The following SH3RF3 variants were observed in gnomAD, a reference collection of about 807,000 sequenced individuals.
SH3RF3 encodes E3 ubiquitin-protein ligase SH3RF3.
SH3RF3 carries 29 observed loss-of-function variants against 66.3 expected under a neutral mutation model. The observed-to-expected ratio is 0.44, with a 90% CI of 0.33 to 0.60. The LOEUF is 0.60. SH3RF3 is among the 20% of genes least tolerant of loss of function. SH3RF3 has a pLI of 0.04. For missense variants in SH3RF3, 1,194 were observed against 1,190.9 expected (o/e 1.00, Z -0.04); for synonymous variants, 583 against 532.0 (o/e 1.10, Z -1.32).
chr2:109,312,101 C>A (rs1681742196), intron 1 of SH3RF3, among the ~76,000 whole-genome samples: 1 of 152,166 alleles, frequency 6.6e-6, no homozygotes, highest in South Asian at 2.1e-4. Context: ...TTTCCTTTAG[C>A]ATTGTTAGTT....
intron 1 of SH3RF3, among the ~76,000 whole-genome samples, chr2:109,237,090 A>G (rs1377306197): frequency 1.3e-5 from 2 of 152,242 alleles, no homozygotes; most frequent in African/African-American, 4.8e-5. Flanking sequence ...AGAAATAAAC[A>G]AGAATGTCAG....
chr2:109,231,511 A>G (rs1574518073), intron 1 of SH3RF3, among the ~76,000 whole-genome samples: 1 of 152,272 alleles, frequency 6.6e-6, no homozygotes, highest in Admixed American at 6.5e-5. Context: ...TCTATGAAGA[A>G]TAAATATCGT....
intron 1 of SH3RF3, among the ~76,000 whole-genome samples, chr2:109,272,240 G>A (rs909630633): frequency 6.6e-6 from 1 of 152,204 alleles, no homozygotes; most frequent in Non-Finnish European, 1.5e-5. Flanking sequence ...GCTGCTTCTT[G>A]CTTGTCTAGG....
chr2:109,492,067 G>A (rs1212319856), intron 9 of SH3RF3, among the ~76,000 whole-genome samples: 2 of 152,152 alleles, frequency 1.3e-5, no homozygotes, highest in African/African-American at 4.8e-5. Flanking sequence ...CAGTCCTGCT[G>A]TGTCTGTGGT....
At chr2:109,501,446 C>T (rs544299308) in intron 9 of SH3RF3, 57 bp from the exon 10 acceptor site, 15 of 714,900 alleles carry the variant, frequency 2.1e-5, no homozygotes, top group Admixed American at 9.5e-5. Flanking sequence ...AGAGAAAGCA[C>T]GACCCAGCAG....
At chr2:109,374,674 A>G (rs145237910) in intron 3 of SH3RF3, among the ~76,000 whole-genome samples, 214 of 152,278 alleles carry the variant, frequency 1.4e-3, no homozygotes, top group African/African-American at 5.0e-3. Context: ...GTCACCTCAC[A>G]CTAAGAGGAT....
intron 1 of SH3RF3, among the ~76,000 whole-genome samples, chr2:109,309,942 A>G (rs1342196945): frequency 8.1e-6 from 1 of 124,216 alleles, no homozygotes; most frequent in Non-Finnish European, 1.6e-5. Flanking sequence ...CGAGACAGAA[A>G]GTCAACAAGG....
chr2:109,163,295 T>C (rs761146443), intron 1 of SH3RF3, among the ~76,000 whole-genome samples: 1 of 152,070 alleles, frequency 6.6e-6, no homozygotes, highest in Admixed American at 6.6e-5. Flanking sequence ...AAACAGGTGA[T>C]TACCGTGTTG....
intron 1 of SH3RF3, among the ~76,000 whole-genome samples, chr2:109,188,111 C>T (rs1181419645): frequency 1.3e-5 from 2 of 152,228 alleles, no homozygotes; most frequent in African/African-American, 2.4e-5. Flanking sequence ...GCGGTGCTCT[C>T]GGACATCTAA....
intron 1 of SH3RF3, among the ~76,000 whole-genome samples, chr2:109,184,288 C>T (rs1678135894): frequency 6.6e-6 from 1 of 152,182 alleles, no homozygotes; most frequent in Admixed American, 6.5e-5. Flanking sequence ...GTTCCTTCTC[C>T]CTTACTTCAA....
In SH3RF3 at chr2:109,443,319, T is replaced by G. The variant is rs866788499; in HGVS notation, c.1829-5851T>G. Among the ~76,000 whole-genome samples the G allele has an allele frequency of 2.6e-5, 4 of 152,224 alleles. No homozygotes were observed. In the South Asian group the frequency reaches 8.3e-4, roughly 32 times the overall value. ...GTCCAACTGGCCTCAGAGCCAAAAC[T>G]TTCTGCATTGTACTGTGTTGCCCCC... On this transcript the variant is annotated intron_variant, in intron 7 of 9. Transcript: ENST00000309415.
intron 3 of SH3RF3, among the ~76,000 whole-genome samples, chr2:109,397,174 A>G (rs2104434524): frequency 6.6e-6 from 1 of 151,654 alleles, no homozygotes; most frequent in Non-Finnish European, 1.5e-5. Context: ...CAACCACTCC[A>G]CCCTGCTCAG....
chr2:109,258,621 C>A (rs1680277393), intron 1 of SH3RF3, among the ~76,000 whole-genome samples: 1 of 152,248 alleles, frequency 6.6e-6, no homozygotes, highest in Admixed American at 6.5e-5. Context: ...GCTGGCTGTG[C>A]TCCTAACATC....
At chr2:109,130,992 G>A (rs1302578729) in intron 1 of SH3RF3, among the ~76,000 whole-genome samples, 1 of 152,134 alleles carries the variant, frequency 6.6e-6, no homozygotes, top group African/African-American at 2.4e-5. Flanking sequence ...TCTTTAAATG[G>A]AGAAAAGCAC....
chr2:109,297,055 A>G (rs926120430), intron 1 of SH3RF3, among the ~76,000 whole-genome samples: 17 of 151,950 alleles, frequency 1.1e-4, no homozygotes, highest in Admixed American at 2.0e-4. Context: ...GGTGGGGCCA[A>G]CTAGACTGCA....
intron 1 of SH3RF3, among the ~76,000 whole-genome samples, chr2:109,303,112 G>T (rs10208413): frequency 0.29 from 43,827 of 152,090 alleles, 8,578 homozygotes; most frequent in African/African-American, 0.55. Flanking sequence ...CTGACCTCAG[G>T]TGATCCGTCC....
chr2:109,354,016 G>T (rs1185280093), intron 2 of SH3RF3, among the ~76,000 whole-genome samples: 1 of 152,212 alleles, frequency 6.6e-6, no homozygotes, highest in Non-Finnish European at 1.5e-5. Context: ...GGACAAAGAT[G>T]CAGGGCCAGC....
intron 5 of SH3RF3, among the ~76,000 whole-genome samples, chr2:109,419,908 A>G (rs1559073797): frequency 6.6e-6 from 1 of 152,194 alleles, no homozygotes; most frequent in Non-Finnish European, 1.5e-5. Flanking sequence ...AGTCAACAGG[A>G]GAGGAGCCAG....
intron 5 of SH3RF3, 89 bp downstream of exon 5, chr2:109,419,731 GT>G: frequency 7.9e-7 from 1 of 1,263,120 alleles, no homozygotes; most frequent in Non-Finnish European, 1.1e-6. Flanking sequence ...TTTCCGCAGG[GT>G]TTTCCCATGT....
Sources: allele counts gnomAD v4.1 joint callset (sites outside exome capture counted in the v4.1 genomes callset), GRCh38; gene constraint gnomAD v4.1.1; transcripts MANE v1.5; gene names NCBI Gene and HGNC (gene_info 2026-07-23, HGNC 2026-07-21).